Variants in PARP15 observed in about 807,000 individuals in gnomAD.
PARP15 encodes the protein poly(ADP-ribose) polymerase family member 15, also known as protein mono-ADP-ribosyltransferase PARP15.
Under a neutral mutation model 62.1 loss-of-function variants are expected in PARP15, and 50 were observed. That is an observed-to-expected ratio of 0.81 (90% confidence interval 0.64 to 1.02). The LOEUF (loss-of-function observed/expected upper bound fraction) is 1.02, where lower values mean the gene tolerates loss of function less well. Ranked by LOEUF, PARP15 falls within the 50% of genes least tolerant of loss-of-function variation. The pLI is 0.00. For missense variants in PARP15, 820 were observed against 826.5 expected (o/e 0.99, Z 0.10); for synonymous variants, 309 against 293.1 (o/e 1.05, Z -0.55).
At chr3:122,589,593 A>G (rs1362564762) in intron 1 of PARP15, among the ~76,000 whole-genome samples, 1 of 152,114 alleles carries the variant, frequency 6.6e-6, no homozygotes, top group African/African-American at 2.4e-5. Context: ...GTGGCACCTC[A>G]TTGTGGTTTT....
rs1937371767 is a variant in PARP15 at position 122,636,348 on chromosome 3, A to G, written c.*248A>G. On this transcript the variant is annotated 3_prime_UTR_variant, in exon 12 of 12. Transcript: ENST00000464300. The stretch of plus-strand genomic sequence containing the variant: ...AGAGCTACAACCATTCACAGACACC[A>G]AATCTCTAGGAGAATAAAAAGCACA... The G allele has an allele frequency of 2.2e-6, 1 of 458,478 alleles. No homozygotes were observed. Among genetic ancestry groups the G allele is most frequent in the African/African-American group, 1.9e-5 (1 of 51,590 alleles). The allele number at this position is 458,478 out of a possible 1,614,324, so 28.4% of individuals were successfully genotyped here.
intron 1 of PARP15, among the ~76,000 whole-genome samples, chr3:122,592,291 G>T (rs1239228225): frequency 1.3e-5 from 2 of 152,146 alleles, no homozygotes; most frequent in African/African-American, 2.4e-5. Context: ...CCTTTGCAGG[G>T]ACATGGATGG....
chr3:122,632,259 G>T (rs773627080), intron 10 of PARP15, 40 bp downstream of exon 10: 2 of 1,580,228 alleles, frequency 1.3e-6, no homozygotes, highest in South Asian at 2.2e-5. Flanking sequence ...AAATGTTGAT[G>T]AACTAACATA....
intron 1 of PARP15, among the ~76,000 whole-genome samples, chr3:122,580,039 A>ATATATATG (rs1559915678): frequency 7.4e-5 from 10 of 135,680 alleles, no homozygotes; most frequent in African/African-American, 2.5e-4. Flanking sequence ...ATATATATGC[A>ATATATATG]CGCGCGCACA....
intron 1 of PARP15, among the ~76,000 whole-genome samples, chr3:122,598,748 T>G (rs1350600790): frequency 6.6e-6 from 1 of 152,158 alleles, no homozygotes; most frequent in Non-Finnish European, 1.5e-5. Context: ...TTGAGAGTGA[T>G]CTTACTTTCA....
chr3:122,606,343 C>A (rs1233114585), intron 2 of PARP15, among the ~76,000 whole-genome samples: 2 of 152,134 alleles, frequency 1.3e-5, no homozygotes, highest in Admixed American at 6.5e-5. Context: ...TACTCTCAAC[C>A]CAGTTCTATT....
At chr3:122,577,905 G>A in intron 1 of PARP15, 52 bp downstream of exon 1, 1 of 1,472,604 alleles carries the variant, frequency 6.8e-7, no homozygotes, top group South Asian at 1.4e-5. Context: ...GCTGAGCCTG[G>A]GGCCCGCAAG....
chr3:122,613,187 C>T lies in PARP15; in HGVS notation c.690C>T (p.Tyr230=). ...AKLILSEVFE[Y]SSSTRPITSP... ...TAATCCTTTCAGAAGTGTTCGAATA[C>T]AGTAGCAGCACAAGGCCGATAACTA... Residue 230 remains tyrosine (Y), a synonymous_variant, in exon 4 of 12, where the codon TAC becomes TAT. Transcript: ENST00000464300. 6.4e-7 allele frequency: 1 copy of T among 1,551,798 alleles called. No homozygotes were observed. Among genetic ancestry groups the T allele is most frequent in the Non-Finnish European group, 8.7e-7 (1 of 1,146,948 alleles).
chr3:122,625,439 T>C (rs9825582), intron 8 of PARP15, among the ~76,000 whole-genome samples: 65,981 of 151,822 alleles, frequency 0.43, 14,507 homozygotes, highest in African/African-American at 0.52. Flanking sequence ...TTTTTAGTGG[T>C]GGCAGGATTT....
chr3:122,603,275 C>T (rs1369514496), intron 1 of PARP15, among the ~76,000 whole-genome samples: 1 of 152,088 alleles, frequency 6.6e-6, no homozygotes. Flanking sequence ...GAAGTTGTCA[C>T]TGTGAGGTAA....
Position 122,617,163 on chromosome 3 carries a change from A to C in PARP15, c.999A>C (p.Ser333=). The stretch of plus-strand genomic sequence containing the variant: ...CAGCAAGGACATTTAATCGGAAATC[A>C]GGTACTTTATTTAAGCAATATATTG... The part of the protein sequence containing the change: ...NSTARTFNRK[S]GVSRAILEGA... Residue 333 remains serine (S), a splice_region_variant and synonymous_variant, in exon 6 of 12, where the codon TCA becomes TCC. Transcript: ENST00000464300. 6.2e-7 allele frequency: 1 copy of C among 1,611,092 alleles called. No homozygotes were observed. Among genetic ancestry groups the C allele is most frequent in the Non-Finnish European group, 8.5e-7 (1 of 1,177,998 alleles).
intron 1 of PARP15, among the ~76,000 whole-genome samples, chr3:122,602,404 T>C (rs1040713013): frequency 2.0e-5 from 3 of 152,186 alleles, no homozygotes; most frequent in African/African-American, 7.2e-5. Context: ...TAGAGCTCCC[T>C]GGGAGATCAG....
Position 122,603,072 on chromosome 3 carries a change from A to C in PARP15, c.187-2864A>C, listed in dbSNP as rs1289235259. The stretch of plus-strand genomic sequence containing the variant: ...GTGGTGAACACCTACTTGACCAAAA[A>C]GTCTGGGTCTTCAATGAAAGGCCCA... On this transcript the variant is annotated intron_variant, in intron 1 of 11. Transcript: ENST00000464300. 2.6e-5 allele frequency among the ~76,000 whole-genome samples: 4 copies of C among 151,006 alleles called. No individual in the cohort carries two copies. In the East Asian group the frequency reaches 7.7e-4, roughly 29 times the overall value.
intron 8 of PARP15, among the ~76,000 whole-genome samples, chr3:122,625,654 G>T (rs1253131512): frequency 6.6e-6 from 1 of 152,196 alleles, no homozygotes; most frequent in African/African-American, 2.4e-5. Context: ...TTAGGACGCT[G>T]CCAGGTATGG....
chr3:122,577,847 G>A lies in PARP15; in HGVS notation c.180G>A (p.Arg60=), dbSNP rs770814587. 1.3e-6 allele frequency: 2 copies of A among 1,548,024 alleles called. No individual in the cohort carries two copies. The highest frequency in any genetic ancestry group is 1.2e-5 in the South Asian group (1 of 83,604). ...ARKASRRSSS[R]SMSRDNKFSK... is the part of the protein sequence containing the mutation. ...AGGCCTCCCGGCGCTCTTCCTCCCG[G>A]AGTATGGTGAGGAGCGCGGGGGACG... The change falls in exon 1 of 12, where the codon CGG becomes CGA. Residue 60 remains arginine, a synonymous_variant. Coordinates refer to ENST00000464300, the MANE Select transcript of PARP15 (RefSeq NM_001113523.3).
At chr3:122,592,267 G>GGA (rs1178076889) in intron 1 of PARP15, among the ~76,000 whole-genome samples, 2 of 152,134 alleles carry the variant, frequency 1.3e-5, no homozygotes, top group Non-Finnish European at 2.9e-5. Flanking sequence ...GCCATAAAAA[G>GGA]GATGAGATCA....
intron 4 of PARP15, among the ~76,000 whole-genome samples, chr3:122,614,607 T>C (rs771671076): frequency 7.2e-5 from 11 of 152,152 alleles, no homozygotes; most frequent in Admixed American, 2.0e-4. Flanking sequence ...TGGGGGAAAT[T>C]ATTATTAGCA....
chr3:122,594,512 T>C (rs1934186967), intron 1 of PARP15: 1 of 978,184 alleles, frequency 1.0e-6, no homozygotes, highest in Non-Finnish European at 1.2e-6. Context: ...CGATCTCAAA[T>C]TGGAAGTCAT....
intron 10 of PARP15, 87 bp from the exon 11 acceptor site, chr3:122,634,933 C>A: frequency 4.5e-6 from 6 of 1,323,522 alleles, no homozygotes; most frequent in Non-Finnish European, 6.3e-6. Context: ...CCTTCTTTTT[C>A]ATATTGCTTA....
Sources: gnomAD v4.1 joint callset for allele counts (sites outside exome capture counted in the v4.1 genomes callset) on GRCh38, gnomAD v4.1.1 for gene constraint, MANE v1.5 for transcripts, NCBI Gene and HGNC (gene_info 2026-07-23, HGNC 2026-07-21) for gene names.